VSIG2: variants seen among roughly 807,000 people sequenced by gnomAD.
The protein encoded by VSIG2 is V-set and immunoglobulin domain-containing protein 2.
VSIG2 carries 30 observed loss-of-function variants against 29.4 expected under a neutral mutation model. The observed-to-expected ratio is 1.02, with a 90% CI of 0.76 to 1.38. The LOEUF (loss-of-function observed/expected upper bound fraction) is 1.38. VSIG2 is among the 40% of genes most tolerant of loss of function. The probability of loss-of-function intolerance (pLI) is 0.00; values close to 1 mark genes in which losing one functional copy is unlikely to be tolerated. For synonymous variants in VSIG2, 178 were observed against 174.2 expected (o/e 1.02, Z -0.17); for missense variants, 421 against 400.8 (o/e 1.05, Z -0.43).
chr11:124,748,268 T>C, intron 6 of VSIG2, 122 bp downstream of exon 6: 2 of 1,183,236 alleles, frequency 1.7e-6, no homozygotes, highest in Non-Finnish European at 2.4e-6. Context: ...ATTCCACGGC[T>C]GAACAACACC....
rs1201928063 is a variant in VSIG2 at position 124,749,852 on chromosome 11, G to A, written c.442C>T (p.Pro148Ser). 1.2e-6 allele frequency: 1 copy of A among 816,616 alleles called. No homozygotes were observed. Among genetic ancestry groups the A allele is most frequent in the Non-Finnish European group, 1.8e-6 (1 of 544,614 alleles). 50.6% of individuals were successfully genotyped at this position (816,616 alleles called of 1,614,324 possible). Residue 148 changes from proline (P) to serine (S), a missense_variant, in exon 4 of 7, where the codon CCC becomes TCC. Pro to Ser is a moderately conservative substitution (Grantham distance 74). Transcript: ENST00000326621. The part of the protein sequence containing the change: ...NLTVLVPPSN[P>S]LCSQSGQTSV... ...GTTTGTCCACTCTGACTGCATAAGG[G>A]ATTACTGGGGGGAACTGCAAAAAAA...
At position 124,751,410 on chromosome 11, in the gene VSIG2, G is replaced by A. The variant is rs751652199; in HGVS notation, c.219+13C>T. On this transcript the variant is annotated intron_variant, in intron 2 of 6. Transcript: ENST00000326621. The stretch of plus-strand genomic sequence containing the variant: ...CAGGCCAACCCAGCTTCATGCAGTC[G>A]CTCTCAGCTCACTGGATGGGACTCA... 1 of 1,610,106 alleles carries A rather than the reference G, an allele frequency of 6.2e-7. No homozygotes were observed.
In VSIG2 at chr11:124,750,830, G is replaced by A. The variant is rs1944076329; in HGVS notation, c.311C>T (p.Ala104Val). ...LLQNPPTVGV[A>V]TLKLTDVHPS... ...GTGGACGTCAGTCAGTTTCAGTGTG[G>A]CCACCCCCACTGTGGGGGGGTTCTG... The change falls in exon 3 of 7, where the codon GCC becomes GTC. Residue 104 changes from alanine to valine, a missense_variant. Transcript: ENST00000326621. 1.9e-6 allele frequency: 3 copies of A among 1,614,070 alleles called. No homozygotes were observed. Among genetic ancestry groups the A allele is most frequent in the Non-Finnish European group, 1.7e-6 (2 of 1,179,988 alleles).
intron 6 of VSIG2, 58 bp from the exon 7 acceptor site, chr11:124,747,725 G>C (rs1944030908): frequency 6.4e-7 from 1 of 1,558,406 alleles, no homozygotes; most frequent in Admixed American, 1.9e-5. Context: ...GAGGAGGGCC[G>C]TCCTCTAACC....
rs1944030071 is a variant in VSIG2, at chr11:124,747,672, T to A, written c.852-5A>T. On this transcript the variant is annotated splice_polypyrimidine_tract_variant and splice_region_variant and intron_variant, in intron 6 of 6. Coordinates refer to ENST00000326621, the MANE Select transcript of VSIG2 (RefSeq NM_014312.5). The stretch of plus-strand genomic sequence containing the variant: ...CCAGGAGCGATGGCATCCTCCCTGA[T>A]GGGTATAGGCAAGTTCTGAGTGAAC... The A allele has an allele frequency of 6.2e-7, 1 of 1,613,420 alleles. No individual in the cohort carries two copies. The highest frequency in any genetic ancestry group is 8.5e-7 in the Non-Finnish European group (1 of 1,179,724).
Position 124,751,658 on chromosome 11 carries a change from T to C in VSIG2, c.62-78A>G, listed in dbSNP as rs537193943. On this transcript the variant is annotated intron_variant, in intron 1 of 6. Transcript: ENST00000326621. ...GGTCGGGCCCACCCCCGGGCATCTATATTGGAAGCTGGGGGCTCCCTCCCC... is the reference window on the plus strand; with the variant it reads ...GGTCGGGCCCACCCCCGGGCATCTACATTGGAAGCTGGGGGCTCCCTCCCC... The C allele has an allele frequency of 2.1e-6, 3 of 1,424,432 alleles. No individual in the cohort carries two copies. The East Asian group carries it at 7.4e-5, about 35-fold the overall frequency. 88.2% of individuals were successfully genotyped at this position (1,424,432 alleles called of 1,614,324 possible).
In VSIG2 at chr11:124,751,573, G is replaced by C; in HGVS notation, c.69C>G (p.Ala23=). The C allele has an allele frequency of 6.3e-7, 1 of 1,595,620 alleles. No homozygotes were observed. ...LLGFLCLSGL[A]VEVKVPTEPL... is the part of the protein sequence containing the mutation. ...GCTCTGTGGGTACCTTCACCTCCAC[G>C]GCCAGCCCTGGGGCCGGGGACCAGA... is the stretch of plus-strand genomic sequence containing the variant. The change falls in exon 2 of 7, where the codon GCC becomes GCG. Residue 23 remains alanine (A), a synonymous_variant. Coordinates refer to ENST00000326621, the MANE Select transcript of VSIG2 (RefSeq NM_014312.5).
In VSIG2 at chr11:124,747,505, C is replaced by T; in HGVS notation, c.*30G>A. 2 of 1,587,868 alleles carry T rather than the reference C, an allele frequency of 1.3e-6. No individual in the cohort carries two copies. Among genetic ancestry groups the T allele is most frequent in the Non-Finnish European group, 1.7e-6 (2 of 1,168,908 alleles). ...CCACAGACTTTAATTATTGATATTCCCCCTCACCGCCCTCAGGGATCGGGA... is the reference window on the plus strand; with the variant it reads ...CCACAGACTTTAATTATTGATATTCTCCCTCACCGCCCTCAGGGATCGGGA... On this transcript the variant is annotated 3_prime_UTR_variant, in exon 7 of 7. Coordinates refer to ENST00000326621, the MANE Select transcript of VSIG2 (RefSeq NM_014312.5).
intron 3 of VSIG2, among the ~76,000 whole-genome samples, 170 bp from the exon 4 acceptor site, chr11:124,750,036 T>C (rs545637277): frequency 6.6e-6 from 1 of 152,266 alleles, no homozygotes; most frequent in South Asian, 2.1e-4. Flanking sequence ...ATTTCCACTA[T>C]TGGAAATTCT....
chr11:124,749,870 C>CAA lies in VSIG2; in HGVS notation c.428-6_428-5dup, dbSNP rs757471583. ...CATAAGGGATTACTGGGGGGAACTG[C>CAA]AAAAAAAAAAAAAAAAAAAAAAAAA... On this transcript the variant is annotated splice_polypyrimidine_tract_variant and splice_region_variant and intron_variant, in intron 3 of 6. Coordinates refer to ENST00000326621, the MANE Select transcript of VSIG2 (RefSeq NM_014312.5). 26,745 of 748,350 alleles carry CAA rather than the reference C, an allele frequency of 0.036. 3 individuals are homozygous for CAA. Among genetic ancestry groups the CAA allele is most frequent in the Middle Eastern group, 0.04 (76 of 1,890 alleles). 46.4% of individuals were successfully genotyped at this position (748,350 alleles called of 1,614,324 possible).
chr11:124,752,022 A>C (rs1944092323), intron 1 of VSIG2, 55 bp downstream of exon 1: 2 of 1,503,884 alleles, frequency 1.3e-6, no homozygotes, highest in Admixed American at 4.6e-5. Flanking sequence ...GGAGCCGGGG[A>C]AGCCAGGCCT....
At position 124,752,240 on chromosome 11, in the gene VSIG2, G is replaced by A; in HGVS notation, c.-103C>T. The stretch of plus-strand genomic sequence containing the variant: ...GCACCCAAGGGCAGCCGCCCGGGCT[G>A]GGCAGGAGCGAGACTGGTATCTCAG... On this transcript the variant is annotated 5_prime_UTR_variant, in exon 1 of 7. Coordinates refer to ENST00000326621, the MANE Select transcript of VSIG2 (RefSeq NM_014312.5). 2 of 1,232,358 alleles carry A rather than the reference G, an allele frequency of 1.6e-6. No individual in the cohort carries two copies. The highest frequency in any genetic ancestry group is 2.2e-6 in the Non-Finnish European group (2 of 911,878). 76.3% of individuals were successfully genotyped at this position (1,232,358 alleles called of 1,614,324 possible).
At chr11:124,751,344 C>T (rs1944083057) in intron 2 of VSIG2, 79 bp downstream of exon 2, 9 of 1,568,262 alleles carry the variant, frequency 5.7e-6, no homozygotes, top group African/African-American at 1.3e-5. Context: ...CCCAAACTCC[C>T]CCTCCCGACC....
chr11:124,751,310 C>A, intron 2 of VSIG2, 113 bp downstream of exon 2: 3 of 1,348,772 alleles, frequency 2.2e-6, no homozygotes, highest in Middle Eastern at 2.4e-4. Context: ...AGCCCACTTA[C>A]CTTTTCATCC....
At position 124,750,931 on chromosome 11, in the gene VSIG2, G is replaced by C; in HGVS notation, c.220-10C>G. ...TGGTGAAGTACAGGATCTGGGGAGAGGCAGAAGACACACATATGTGCCTGT... is the reference window on the plus strand; with the variant it reads ...TGGTGAAGTACAGGATCTGGGGAGACGCAGAAGACACACATATGTGCCTGT... On this transcript the variant is annotated splice_polypyrimidine_tract_variant and intron_variant, in intron 2 of 6. Coordinates refer to ENST00000326621, the MANE Select transcript of VSIG2 (RefSeq NM_014312.5). 1 of 1,613,564 alleles carries C rather than the reference G, an allele frequency of 6.2e-7. No homozygotes were observed. The highest frequency in any genetic ancestry group is 8.5e-7 in the Non-Finnish European group (1 of 1,179,654).
At chr11:124,747,749 A>G (rs1944031164) in intron 6 of VSIG2, 82 bp from the exon 7 acceptor site, 1 of 1,432,676 alleles carries the variant, frequency 7.0e-7, no homozygotes, top group Admixed American at 2.3e-5. Context: ...GGACTCTTAA[A>G]TTTCACTGTG....
intron 6 of VSIG2, chr11:124,748,136 A>G: frequency 1.4e-5 from 7 of 486,758 alleles, no homozygotes; most frequent in Admixed American, 3.8e-5. Flanking sequence ...TTTATTAAAT[A>G]TGAGGAGGGG....
At position 124,749,772 on chromosome 11, in the gene VSIG2, C is replaced by G. The variant is rs760043330; in HGVS notation, c.522G>C (p.Lys174Asn). 5.0e-6 allele frequency: 8 copies of G among 1,604,432 alleles called. No homozygotes were observed. Among genetic ancestry groups the G allele is most frequent in the Middle Eastern group, 3.3e-4 (2 of 6,028 alleles). ...LRCSSSEGAP[K>N]PVYNWVRLGT... ...CAAGACGCACCCAGTTGTACACTGG[C>G]TTAGGAGCCCCCTCGGAAGAGCTGC... Residue 174 changes from lysine to asparagine, a missense_variant, in exon 4 of 7, where the codon AAG (lysine) becomes AAC (asparagine). By Grantham distance (94) the Lys-to-Asn change is moderately conservative (BLOSUM62 0). Coordinates refer to ENST00000326621, the MANE Select transcript of VSIG2 (RefSeq NM_014312.5).
At chr11:124,751,990 G>T in intron 1 of VSIG2, 87 bp downstream of exon 1, 1 of 1,422,406 alleles carries the variant, frequency 7.0e-7, no homozygotes, top group Non-Finnish European at 9.2e-7. Context: ...CATCTGGCCT[G>T]GCGGGGACAG....
Sources: allele counts gnomAD v4.1 joint callset (sites outside exome capture counted in the v4.1 genomes callset), GRCh38; gene constraint gnomAD v4.1.1; transcripts MANE v1.5; gene names NCBI Gene and HGNC (gene_info 2026-07-23, HGNC 2026-07-21).